PCDHGA12: variants seen among roughly 807,000 people sequenced by gnomAD.
The protein encoded by PCDHGA12 is protocadherin gamma-A12.
Under a neutral mutation model 61.1 loss-of-function variants are expected in PCDHGA12, and 43 were observed. The ratio of observed to expected loss-of-function variants is 0.70; its 90% CI spans 0.55 to 0.91. The LOEUF is 0.91. Ranked by LOEUF, PCDHGA12 falls within the 40% of genes least tolerant of loss-of-function variation. The pLI, the probability that PCDHGA12 is intolerant of heterozygous loss-of-function variation, is 0.00. For missense variants in PCDHGA12, 1,236 were observed against 1,227.7 expected (o/e 1.01, Z -0.10); for synonymous variants, 520 against 542.9 (o/e 0.96, Z 0.59).
At chr5:141,449,436 A>T (rs1177598228) in intron 1 of PCDHGA12, among the ~76,000 whole-genome samples, 1 of 151,792 alleles carries the variant, frequency 6.6e-6, no homozygotes, top group African/African-American at 2.4e-5. Flanking sequence ...ATAAAACTCC[A>T]TCTCTACTAA....
intron 2 of PCDHGA12, among the ~76,000 whole-genome samples, chr5:141,500,184 T>TTTTATTTATTTATTTA (rs58019021): frequency 1.5e-5 from 2 of 135,886 alleles, no homozygotes; most frequent in African/African-American, 5.4e-5. Flanking sequence ...TCATTTTTAT[T>TTTTATTTATTTATTTA]TTTATTTATT....
At chr5:141,497,983 C>T (rs2099780927) in intron 2 of PCDHGA12, among the ~76,000 whole-genome samples, 1 of 152,168 alleles carries the variant, frequency 6.6e-6, no homozygotes, top group African/African-American at 2.4e-5. Context: ...GTGGGAGGCC[C>T]CTGCCCTCAA....
Position 141,512,106 on chromosome 5 carries a change from T to A in PCDHGA12, c.*933T>A, listed in dbSNP as rs2099884076. 6.6e-6 allele frequency: 1 copy of A among 152,630 alleles called. No homozygotes were observed. Among genetic ancestry groups the A allele is most frequent in the Non-Finnish European group, 1.5e-5 (1 of 68,060 alleles). 9.5% of individuals were successfully genotyped at this position (152,630 alleles called of 1,614,324 possible). On this transcript the variant is annotated 3_prime_UTR_variant, in exon 4 of 4. Transcript: ENST00000252085. ...TAAACCAATAACTAGGCTGGACCCT[T>A]CCCACTACATAATAGGGCTCAGCCC...
chr5:141,504,209 C>T (rs1305672612), intron 2 of PCDHGA12, among the ~76,000 whole-genome samples: 1 of 152,180 alleles, frequency 6.6e-6, no homozygotes, highest in Non-Finnish European at 1.5e-5. Flanking sequence ...TGGGAAAATT[C>T]CAAGTAGAGC....
At chr5:141,439,500 TTCTC>T (rs1399113868) in intron 1 of PCDHGA12, among the ~76,000 whole-genome samples, 9 of 152,246 alleles carry the variant, frequency 5.9e-5, no homozygotes, top group Admixed American at 2.0e-4. Context: ...AGAAACGTCT[TTCTC>T]TCTGCTCTCA....
Position 141,489,101 on chromosome 5 carries a change from T to C in PCDHGA12, c.2425-5706T>C. The C allele has an allele frequency of 2.5e-6, 1 of 398,412 alleles. No homozygotes were observed. The highest frequency in any genetic ancestry group is 4.3e-5 in the South Asian group (1 of 23,096). The allele number at this position is 398,412 out of a possible 1,614,324, so 24.7% of individuals were successfully genotyped here. A position where few individuals can be genotyped will look rare whatever the true frequency, so the allele number is the denominator to read the frequency against. ...CCGCCACTCGGTGACTAAGAACTGC[T>C]GCAAGCAGGCAAACCTCCGAGCAGT... On this transcript the variant is annotated intron_variant, in intron 1 of 3. Coordinates refer to ENST00000252085, the MANE Select transcript of PCDHGA12 (RefSeq NM_003735.3). The surrounding 1 kb of genome is among the most constrained non-coding windows in gnomAD (Gnocchi z 4.5).
Position 141,511,201 on chromosome 5 carries a change from G to A in PCDHGA12, c.*28G>A, listed in dbSNP as rs2099883661. On this transcript the variant is annotated 3_prime_UTR_variant, in exon 4 of 4. Transcript: ENST00000252085. ...TGGAGGCCAGGCCAAGAGCCACAGG[G>A]CGGCCTCTCCCCAACCAGCCCAGCT... 2 of 1,612,600 alleles carry A rather than the reference G, an allele frequency of 1.2e-6. No homozygotes were observed. The highest frequency in any genetic ancestry group is 1.7e-6 in the Non-Finnish European group (2 of 1,179,344).
chr5:141,456,389 TTTGA>T (rs1181323617), intron 1 of PCDHGA12, among the ~76,000 whole-genome samples: 2 of 152,074 alleles, frequency 1.3e-5, no homozygotes, highest in Non-Finnish European at 2.9e-5. Flanking sequence ...CCGTTTGGAG[TTTGA>T]TTGCTTCTAG....
At chr5:141,492,216 C>T (rs1163022229) in intron 1 of PCDHGA12, among the ~76,000 whole-genome samples, 1 of 152,140 alleles carries the variant, frequency 6.6e-6, no homozygotes, top group Non-Finnish European at 1.5e-5. Context: ...GCGCGGGGCT[C>T]ATGCGTGTCC....
chr5:141,435,026 C>A (rs977017371), intron 1 of PCDHGA12, among the ~76,000 whole-genome samples: 4 of 151,978 alleles, frequency 2.6e-5, no homozygotes, highest in Non-Finnish European at 5.9e-5. Context: ...GCTCTTTTCC[C>A]ACTTTTATTT....
At chr5:141,510,358 C>T (rs186470331) in intron 3 of PCDHGA12, among the ~76,000 whole-genome samples, 187 of 144,062 alleles carry the variant, frequency 1.3e-3, no homozygotes, top group African/African-American at 4.6e-3. Context: ...ACTAACGGAA[C>T]TACCGAATCT....
chr5:141,485,625 G>A lies in PCDHGA12; in HGVS notation c.2425-9182G>A, dbSNP rs1458191111. On this transcript the variant is annotated intron_variant, in intron 1 of 3. Coordinates refer to ENST00000252085, the MANE Select transcript of PCDHGA12 (RefSeq NM_003735.3). This position sits in a 1 kb window ranked among gnomAD's most constrained non-coding sequence, Gnocchi z 5.7. ...GGGGAGGCAGCTCCTCCAGGACAGC[G>A]TTTCCCGTTGGAAAAGGCTCAGGAT... is the stretch of plus-strand genomic sequence containing the variant. The A allele has an allele frequency of 1.2e-6, 2 of 1,611,968 alleles. No homozygotes were observed. The highest frequency in any genetic ancestry group is 3.3e-5 in the Admixed American group (2 of 59,916).
At position 141,485,562 on chromosome 5, in the gene PCDHGA12, C is replaced by T. The variant is rs779890454; in HGVS notation, c.2425-9245C>T. 2.5e-6 allele frequency: 4 copies of T among 1,612,910 alleles called. No homozygotes were observed. Among genetic ancestry groups the T allele is most frequent in the Admixed American group, 1.7e-5 (1 of 59,996 alleles). On this transcript the variant is annotated intron_variant, in intron 1 of 3. Transcript: ENST00000252085. The surrounding 1 kb of genome is among the most constrained non-coding windows in gnomAD (Gnocchi z 5.7). ...GAGATCGTAGATGTGAATGATCACG[C>T]CCCCCGTTTTCCGCGGCAGCAGCTG... is the stretch of plus-strand genomic sequence containing the variant.
chr5:141,451,676 G>C (rs1363843426), intron 1 of PCDHGA12, among the ~76,000 whole-genome samples: 1 of 152,142 alleles, frequency 6.6e-6, no homozygotes, highest in African/African-American at 2.4e-5. Context: ...GAGCCCAGGA[G>C]TTCAAGACCA....
At position 141,487,577 on chromosome 5, in the gene PCDHGA12, C is replaced by T; in HGVS notation, c.2425-7230C>T. 1 of 1,614,150 alleles carries T rather than the reference C, an allele frequency of 6.2e-7. No homozygotes were observed. Among genetic ancestry groups the T allele is most frequent in the Non-Finnish European group, 8.5e-7 (1 of 1,180,024 alleles). On this transcript the variant is annotated intron_variant, in intron 1 of 3. Transcript: ENST00000252085. This position sits in a 1 kb window ranked among gnomAD's most constrained non-coding sequence, Gnocchi z 5.0. ...ACCTATGGCAGGGGAGCCTGTTCGCCCAAGCTGCCCACCCTCTGATCTTCT... is the reference window on the plus strand; with the variant it reads ...ACCTATGGCAGGGGAGCCTGTTCGCTCAAGCTGCCCACCCTCTGATCTTCT...
chr5:141,486,653 C>G lies in PCDHGA12; in HGVS notation c.2425-8154C>G. On this transcript the variant is annotated intron_variant, in intron 1 of 3. Transcript: ENST00000252085. This position sits in a 1 kb window ranked among gnomAD's most constrained non-coding sequence, Gnocchi z 5.0. ...CTTGAATGCGCTTATCTCCTACTCA[C>G]TCCTGGAGCCCAGGAATCGAGATGT... is the stretch of plus-strand genomic sequence containing the variant. 1 of 1,613,968 alleles carries G rather than the reference C, an allele frequency of 6.2e-7. No individual in the cohort carries two copies. Among genetic ancestry groups the G allele is most frequent in the Non-Finnish European group, 8.5e-7 (1 of 1,180,034 alleles).
Position 141,486,656 on chromosome 5 carries a change from C to A in PCDHGA12, c.2425-8151C>A. 6.2e-7 allele frequency: 1 copy of A among 1,614,020 alleles called. No homozygotes were observed. Among genetic ancestry groups the A allele is most frequent in the Non-Finnish European group, 8.5e-7 (1 of 1,180,038 alleles). On this transcript the variant is annotated intron_variant, in intron 1 of 3. Transcript: ENST00000252085. This position sits in a 1 kb window ranked among gnomAD's most constrained non-coding sequence, Gnocchi z 5.0. ...GAATGCGCTTATCTCCTACTCACTCCTGGAGCCCAGGAATCGAGATGTATC... is the reference window on the plus strand; with the variant it reads ...GAATGCGCTTATCTCCTACTCACTCATGGAGCCCAGGAATCGAGATGTATC...
intron 1 of PCDHGA12, among the ~76,000 whole-genome samples, chr5:141,446,739 T>A (rs1292920572): frequency 2.6e-5 from 4 of 152,180 alleles, no homozygotes; most frequent in African/African-American, 7.2e-5. Flanking sequence ...AGTGTGGGGA[T>A]TACAGGCGTG....
chr5:141,460,296 C>T (rs1443273958), intron 1 of PCDHGA12, among the ~76,000 whole-genome samples: 1 of 151,924 alleles, frequency 6.6e-6, no homozygotes, highest in Non-Finnish European at 1.5e-5. Context: ...TTCTTATGTC[C>T]TATTCAAAAA....
Sources: allele counts gnomAD v4.1 joint callset (sites outside exome capture counted in the v4.1 genomes callset), GRCh38; gene constraint gnomAD v4.1.1; non-coding constraint Gnocchi (gnomAD v3.1); transcripts MANE v1.5; gene names NCBI Gene and HGNC (gene_info 2026-07-23, HGNC 2026-07-21).